Variants in TEX9 observed in about 807,000 individuals in gnomAD.
TEX9 encodes the protein testis-expressed protein 9.
In TEX9, 74 loss-of-function variants were observed where a neutral mutation model predicts 59.6. The observed-to-expected ratio is 1.24, with a 90% confidence interval of 1.03 to 1.51. The LOEUF (loss-of-function observed/expected upper bound fraction) is 1.51, where lower values mean the gene tolerates loss of function less well. Among genes scored for constraint, TEX9 ranks in the 40% most tolerant of loss-of-function variants. TEX9 has a pLI of 0.00. For missense variants in TEX9, 522 were observed against 447.8 expected (o/e 1.17, Z -1.49); for synonymous variants, 186 against 152.2 (o/e 1.22, Z -1.64).
At chr15:56,375,697 G>A (rs1293971462) in intron 3 of TEX9, among the ~76,000 whole-genome samples, 1 of 152,072 alleles carries the variant, frequency 6.6e-6, no homozygotes, top group Non-Finnish European at 1.5e-5. Context: ...TTTGTATAAG[G>A]TGTAAGGAAG....
intron 1 of TEX9, among the ~76,000 whole-genome samples, chr15:56,327,747 C>A (rs1362531490): frequency 1.3e-5 from 2 of 152,148 alleles, no homozygotes; most frequent in African/African-American, 4.8e-5. Flanking sequence ...GTGCTGCCAA[C>A]ACTGGGGAGA....
rs554113647 is a variant in TEX9 at position 56,275,510 on chromosome 15, T to G, written c.-107+31232T>G. 9.9e-4 allele frequency among the ~76,000 whole-genome samples: 151 copies of G among 152,326 alleles called. 1 individual carries two copies. Among genetic ancestry groups the G allele is most frequent in the Non-Finnish European group, 7.4e-4 (50 of 68,024 alleles). On this transcript the variant is annotated intron_variant, in intron 1 of 5. Coordinates refer to the TEX9 transcript ENST00000560827. ...CATGGCTCCAAAGGATTTTATACTC[T>G]TATTTTAGCTCACATCAGCCTTTAG...
At chr15:56,397,662 G>T (rs1284456566) in intron 9 of TEX9, 3 of 152,190 alleles carry the variant, frequency 2.0e-5, no homozygotes, top group Non-Finnish European at 1.5e-5. Context: ...GTTTGGCTGT[G>T]TCCCCACCCA....
chr15:56,339,363 T>A (rs2718909), intron 1 of TEX9, among the ~76,000 whole-genome samples: 128,346 of 131,490 alleles, frequency 0.98, 62,721 homozygotes, highest in East Asian at 1. Flanking sequence ...AGCCTGGGTG[T>A]CAGAGCAAGA....
intron 1 of TEX9, among the ~76,000 whole-genome samples, chr15:56,311,505 G>T (rs2045615723): frequency 9.0e-6 from 1 of 111,014 alleles, no homozygotes; most frequent in African/African-American, 3.4e-5. Context: ...AGTATTCCAT[G>T]GTGTATATGT....
chr15:56,380,705 C>A (rs1166271992), intron 3 of TEX9, among the ~76,000 whole-genome samples: 2 of 152,024 alleles, frequency 1.3e-5, no homozygotes, highest in African/African-American at 4.8e-5. Flanking sequence ...AGGTTAAAAT[C>A]TATATTTTTT....
intron 1 of TEX9, among the ~76,000 whole-genome samples, chr15:56,322,726 T>C (rs1226755001): frequency 6.6e-6 from 1 of 152,162 alleles, no homozygotes; most frequent in Non-Finnish European, 1.5e-5. Flanking sequence ...GTTTTACTAA[T>C]CCAGAGTCAA....
intron 1 of TEX9, among the ~76,000 whole-genome samples, chr15:56,317,667 G>T (rs2045808060): frequency 6.6e-6 from 1 of 151,978 alleles, no homozygotes; most frequent in African/African-American, 2.4e-5. Flanking sequence ...TTTATAGCTA[G>T]ACATTTCTAA....
At chr15:56,249,505 T>C (rs2043957925) in intron 1 of TEX9, among the ~76,000 whole-genome samples, 2 of 151,214 alleles carry the variant, frequency 1.3e-5, no homozygotes, top group Non-Finnish European at 3.0e-5. Flanking sequence ...GAAGGGGCGC[T>C]GAGACAGGTG....
At chr15:56,387,681 C>G (rs2048022367) in intron 4 of TEX9, among the ~76,000 whole-genome samples, 1 of 151,640 alleles carries the variant, frequency 6.6e-6, no homozygotes, top group South Asian at 2.1e-4. Flanking sequence ...AATACAATGC[C>G]CAAGACAATG....
At chr15:56,317,026 A>G (rs1382230656) in intron 1 of TEX9, among the ~76,000 whole-genome samples, 2 of 152,032 alleles carry the variant, frequency 1.3e-5, no homozygotes, top group Non-Finnish European at 2.9e-5. Context: ...GGGTGCGCGC[A>G]CCCACTGACC....
chr15:56,325,733 T>A (rs1403621371), intron 1 of TEX9, among the ~76,000 whole-genome samples: 1 of 152,204 alleles, frequency 6.6e-6, no homozygotes, highest in Non-Finnish European at 1.5e-5. Context: ...CATATAATAT[T>A]TGAAATGCTA....
chr15:56,457,639 T>C, the TEX9 span, among the ~76,000 whole-genome samples: 247 of 152,026 alleles, frequency 1.6e-3, 2 homozygotes, highest in African/African-American at 5.5e-3. Context: ...CTGGGCAACA[T>C]AGAGAGGTGC....
intron 1 of TEX9, among the ~76,000 whole-genome samples, chr15:56,305,171 A>C (rs1384382319): frequency 3.3e-5 from 5 of 152,194 alleles, no homozygotes; most frequent in African/African-American, 1.2e-4. Context: ...CATGGATCGG[A>C]AGAGTTAATA....
intron 1 of TEX9, among the ~76,000 whole-genome samples, chr15:56,300,708 G>GAGAGAGAGAGAGA (rs2045331855): frequency 1.9e-5 from 2 of 102,726 alleles, no homozygotes; most frequent in African/African-American, 7.9e-5. Flanking sequence ...AGAGAGAGAG[G>GAGAGAGAGAGAGA]GAGAGAGAGA....
chr15:56,412,370 G>T, exon 10 of TEX9: 1 of 1,613,516 alleles, frequency 6.2e-7, no homozygotes, highest in South Asian at 1.1e-5. Context: ...AGGTTCGCTT[G>T]AATAGAGCTC....
At position 56,404,983 on chromosome 15, in the gene TEX9, C is replaced by T. The variant is rs1231302464; in HGVS notation, c.829-7319C>T. ...ACATCACACACCAGGGCCTGTCTGGCGCTAGGGAGCTGGCAGGGGGATTGC... is the reference window on the plus strand; with the variant it reads ...ACATCACACACCAGGGCCTGTCTGGTGCTAGGGAGCTGGCAGGGGGATTGC... On this transcript the variant is annotated intron_variant, in intron 9 of 12. Transcript: ENST00000352903. Among the ~76,000 whole-genome samples the T allele has an allele frequency of 2.6e-5, 4 of 151,956 alleles. No individual in the cohort carries two copies. The East Asian group carries it at 5.8e-4, about 22-fold the overall frequency.
At chr15:56,403,269 T>G (rs1222345355) in intron 9 of TEX9, among the ~76,000 whole-genome samples, 1 of 152,358 alleles carries the variant, frequency 6.6e-6, no homozygotes, top group African/African-American at 2.4e-5. Flanking sequence ...CTTAAGCTGA[T>G]GAGGAACTTC....
intron 1 of TEX9, among the ~76,000 whole-genome samples, chr15:56,322,068 A>T (rs1181552363): frequency 6.6e-6 from 1 of 152,088 alleles, no homozygotes; most frequent in African/African-American, 2.4e-5. Context: ...AGTAAATTTT[A>T]CTATATGTAA....
Sources: gnomAD v4.1 joint callset for allele counts (sites outside exome capture counted in the v4.1 genomes callset) on GRCh38, gnomAD v4.1.1 for gene constraint, MANE v1.5 for transcripts, NCBI Gene and HGNC (gene_info 2026-07-23, HGNC 2026-07-21) for gene names.